Variants in KASH5 observed in about 807,000 individuals in gnomAD.
The protein encoded by KASH5 is protein KASH5.
In KASH5, 72 loss-of-function variants were observed where a neutral mutation model predicts 84.2. The observed-to-expected ratio is 0.85, with a 90% confidence interval of 0.71 to 1.04. The LOEUF (loss-of-function observed/expected upper bound fraction) is 1.04. Among genes scored for constraint, KASH5 ranks in the 50% least tolerant of loss-of-function variants. KASH5 has a pLI of 0.00. For missense variants in KASH5, 650 were observed against 701.0 expected (o/e 0.93, Z 0.82); for synonymous variants, 260 against 279.1 (o/e 0.93, Z 0.68).
At chr19:49,394,417 T>G in intron 2 of KASH5, 59 bp from the exon 3 acceptor site, 5 of 1,372,664 alleles carry the variant, frequency 3.6e-6, no homozygotes, top group Non-Finnish European at 5.2e-6. Flanking sequence ...GGACCTGGGG[T>G]CACCCCTCTT....
chr19:49,399,397 G>A lies in KASH5; in HGVS notation c.748-60G>A. The A allele has an allele frequency of 5.2e-6, 8 of 1,524,284 alleles. No individual in the cohort carries two copies. Among genetic ancestry groups the A allele is most frequent in the South Asian group, 1.2e-5 (1 of 84,742 alleles). The allele number at this position is 1,524,284 out of a possible 1,614,324, so 94.4% of individuals were successfully genotyped here. A position where few individuals can be genotyped will look rare whatever the true frequency, so the allele number is the denominator to read the frequency against. On this transcript the variant is annotated intron_variant, in intron 8 of 19. Transcript: ENST00000447857. This position sits in a 1 kb window ranked among gnomAD's most constrained non-coding sequence, Gnocchi z 4.4. Reference sequence around the variant, plus strand: ...TTGTGTTTTCAGGGGTGGGAGAAGGGCAACATGGGGGCAAGGAGGCTAGAA... The same window carrying A: ...TTGTGTTTTCAGGGGTGGGAGAAGGACAACATGGGGGCAAGGAGGCTAGAA...
Position 49,395,381 on chromosome 19 carries a change from C to A in KASH5, c.335+89C>A, listed in dbSNP as rs1025001415. 2.2e-6 allele frequency: 3 copies of A among 1,370,566 alleles called. No homozygotes were observed. Among genetic ancestry groups the A allele is most frequent in the Non-Finnish European group, 3.0e-6 (3 of 986,942 alleles). 84.9% of individuals were successfully genotyped at this position (1,370,566 alleles called of 1,614,324 possible). A position where few individuals can be genotyped will look rare whatever the true frequency, so the allele number is the denominator to read the frequency against. On this transcript the variant is annotated intron_variant, in intron 4 of 19. Transcript: ENST00000447857. This position sits in a 1 kb window ranked among gnomAD's most constrained non-coding sequence, Gnocchi z 4.4. ...TTACTGGAGCCAGCATCCTTTAGGC[C>A]CAAGGACCTACTGTGTTTGGAATGA...
At chr19:49,394,995 A>G in intron 3 of KASH5, 111 bp from the exon 4 acceptor site, 1 of 798,688 alleles carries the variant, frequency 1.3e-6, no homozygotes, top group South Asian at 1.8e-5. Flanking sequence ...TGGGCCATGG[A>G]GCAGGAGTGC....
chr19:49,395,698 C>A lies in KASH5; in HGVS notation c.336-71C>A. 6.8e-7 allele frequency: 1 copy of A among 1,472,908 alleles called. No individual in the cohort carries two copies. Among genetic ancestry groups the A allele is most frequent in the Non-Finnish European group, 9.3e-7 (1 of 1,078,660 alleles). 91.2% of individuals were successfully genotyped at this position (1,472,908 alleles called of 1,614,324 possible). ...CGGTCCCCTCCTCCCACCTGCAATC[C>A]CCCTGCCTGTGGCTGGTGAGGACTG... On this transcript the variant is annotated intron_variant, in intron 4 of 19. Coordinates refer to ENST00000447857, the MANE Select transcript of KASH5 (RefSeq NM_144688.5). The surrounding 1 kb of genome is among the most constrained non-coding windows in gnomAD (Gnocchi z 4.4).
chr19:49,417,369 A>G lies in KASH5; in HGVS notation c.1548A>G (p.Arg516=), dbSNP rs1296483517. 6.4e-7 allele frequency: 1 copy of G among 1,552,016 alleles called. No individual in the cohort carries two copies. The highest frequency in any genetic ancestry group is 2.0e-5 in the Admixed American group (1 of 51,110). ...AAATGCTCTCCCACCTCCCCACCAG[A>G]GTCACTCGACATCCACTGATCCCAG... The part of the protein sequence containing the change: ...GQLCLPPQRL[R]VTRHPLIPAP... Residue 516 remains arginine, a splice_region_variant and synonymous_variant, in exon 20 of 20, where the codon AGA becomes AGG. Coordinates refer to ENST00000447857, the MANE Select transcript of KASH5 (RefSeq NM_144688.5). The surrounding 1 kb of genome is among the most constrained non-coding windows in gnomAD (Gnocchi z 5.2).
intron 1 of KASH5, chr19:49,388,536 C>G (rs1568605417): frequency 6.6e-6 from 1 of 151,782 alleles, no homozygotes; most frequent in African/African-American, 2.4e-5. Context: ...ACTAAAAATA[C>G]AAAAAATTAG....
Position 49,414,083 on chromosome 19 carries a change from AG to A in KASH5, c.1329-867del, listed in dbSNP as rs1974813260. ...GGCAGCTTGAGGCCTGAGTCCCCAA[AG>A]CAGCATTTCAGGGACTCAGATGGCT... On this transcript the variant is annotated intron_variant, in intron 16 of 19. Coordinates refer to ENST00000447857, the MANE Select transcript of KASH5 (RefSeq NM_144688.5). The surrounding 1 kb of genome is among the most constrained non-coding windows in gnomAD (Gnocchi z 4.5). Among the ~76,000 whole-genome samples the A allele has an allele frequency of 6.6e-6, 1 of 152,004 alleles. No homozygotes were observed. The highest frequency in any genetic ancestry group is 1.5e-5 in the Non-Finnish European group (1 of 67,970).
intron 16 of KASH5, 68 bp downstream of exon 16, chr19:49,413,094 C>T (rs1568624061): frequency 6.8e-7 from 1 of 1,463,858 alleles, no homozygotes; most frequent in Non-Finnish European, 9.5e-7. Context: ...AGTAGGAGGA[C>T]TGGATGTGCC....
intron 11 of KASH5, 63 bp downstream of exon 11, chr19:49,407,359 G>A: frequency 6.5e-7 from 1 of 1,548,864 alleles, no homozygotes. Context: ...TCCTGCCCCT[G>A]GTCTAGAAAG....
At position 49,417,101 on chromosome 19, in the gene KASH5, A is replaced by G; in HGVS notation, c.1439+22A>G. On this transcript the variant is annotated intron_variant, in intron 18 of 19. Coordinates refer to ENST00000447857, the MANE Select transcript of KASH5 (RefSeq NM_144688.5). This position sits in a 1 kb window ranked among gnomAD's most constrained non-coding sequence, Gnocchi z 5.2. ...AGAGGTAATAGGACCCACAGGGTCC[A>G]GGAGGGACACTGGGGCAAGGAAAAA... 4 of 1,605,394 alleles carry G rather than the reference A, an allele frequency of 2.5e-6. No individual in the cohort carries two copies. Among genetic ancestry groups the G allele is most frequent in the Non-Finnish European group, 1.7e-6 (2 of 1,176,260 alleles).
chr19:49,412,826 T>G lies in KASH5; in HGVS notation c.1270-142T>G. The G allele has an allele frequency of 1.4e-6, 1 of 699,702 alleles. No homozygotes were observed. Among genetic ancestry groups the G allele is most frequent in the Non-Finnish European group, 2.5e-6 (1 of 408,146 alleles). 43.3% of individuals were successfully genotyped at this position (699,702 alleles called of 1,614,324 possible). A position where few individuals can be genotyped will look rare whatever the true frequency, so the allele number is the denominator to read the frequency against. On this transcript the variant is annotated intron_variant, in intron 15 of 19. Coordinates refer to ENST00000447857, the MANE Select transcript of KASH5 (RefSeq NM_144688.5). This position sits in a 1 kb window ranked among gnomAD's most constrained non-coding sequence, Gnocchi z 4.6. Reference sequence around the variant, plus strand: ...CGAGAGGAGGGCAGGTTGTAGAAGGTGGTGAATTCATGTGTAGGTTGCAGC... The same window carrying G: ...CGAGAGGAGGGCAGGTTGTAGAAGGGGGTGAATTCATGTGTAGGTTGCAGC...
Position 49,395,742 on chromosome 19 carries a change from G to A in KASH5, c.336-27G>A, listed in dbSNP as rs1600901715. On this transcript the variant is annotated intron_variant, in intron 4 of 19. Coordinates refer to ENST00000447857, the MANE Select transcript of KASH5 (RefSeq NM_144688.5). This position sits in a 1 kb window ranked among gnomAD's most constrained non-coding sequence, Gnocchi z 4.4. The stretch of plus-strand genomic sequence containing the variant: ...AGGACTGAGGGGCAGCTACAGTGGG[G>A]CGCTAAGCCTCATCCCTTTGATACA... 3 of 1,550,098 alleles carry A rather than the reference G, an allele frequency of 1.9e-6. No individual in the cohort carries two copies. Among genetic ancestry groups the A allele is most frequent in the East Asian group, 2.4e-5 (1 of 40,994 alleles).
intron 1 of KASH5, 45 bp from the exon 2 acceptor site, chr19:49,390,744 C>A: frequency 1.0e-6 from 1 of 965,200 alleles, no homozygotes; most frequent in Non-Finnish European, 1.5e-6. Flanking sequence ...GGCCCCGACC[C>A]TTGGTGGCTG....
At chr19:49,396,796 A>AC (rs1974196742) in intron 5 of KASH5, among the ~76,000 whole-genome samples, 1 of 152,130 alleles carries the variant, frequency 6.6e-6, no homozygotes, top group Non-Finnish European at 1.5e-5. Context: ...TACAGGCGTG[A>AC]GCCTGTAATC....
chr19:49,408,957 TC>T lies in KASH5; in HGVS notation c.994-8del. On this transcript the variant is annotated splice_polypyrimidine_tract_variant and intron_variant, in intron 12 of 19. Transcript: ENST00000447857. Reference sequence around the variant, plus strand: ...AGAGCCAAATGTGCTCCCCACTTCCTCCTTTGCAGGAACTGAGGCTGGAGAT... The same window carrying T: ...AGAGCCAAATGTGCTCCCCACTTCCTCTTTGCAGGAACTGAGGCTGGAGAT... 1 of 1,574,466 alleles carries T rather than the reference TC, an allele frequency of 6.4e-7. No homozygotes were observed. The highest frequency in any genetic ancestry group is 8.6e-7 in the Non-Finnish European group (1 of 1,159,998).
At chr19:49,394,674 G>A in intron 3 of KASH5, 94 bp downstream of exon 3, 1 of 937,076 alleles carries the variant, frequency 1.1e-6, no homozygotes, top group African/African-American at 1.6e-5. Flanking sequence ...CTGGGCTAAG[G>A]CCCCCTCTTG....
intron 15 of KASH5, 47 bp downstream of exon 15, chr19:49,409,922 G>A (rs200810719): frequency 1.2e-6 from 2 of 1,602,836 alleles, no homozygotes; most frequent in African/African-American, 2.7e-5. Flanking sequence ...AAAGGGGCCA[G>A]GAGCTCCAGG....
At position 49,398,030 on chromosome 19, in the gene KASH5, C is replaced by T. The variant is rs374077592; in HGVS notation, c.516C>T (p.Ser172=). Residue 172 remains serine, a synonymous_variant, in exon 7 of 20, where the codon AGC becomes AGT. Transcript: ENST00000447857. ...GCAGCCTGGAGGACCTGGAGCTCAG[C>T]AACCGACGTCTGGTTGGGGAGAATG... ...LLSSLEDLEL[S]NRRLVGENAK... 6.2e-6 allele frequency: 10 copies of T among 1,613,816 alleles called. No individual in the cohort carries two copies. The African/African-American group carries it at 1.1e-4, about 17-fold the overall frequency.
intron 9 of KASH5, among the ~76,000 whole-genome samples, chr19:49,401,008 A>G (rs1974345208): frequency 6.6e-6 from 1 of 152,092 alleles, no homozygotes; most frequent in Non-Finnish European, 1.5e-5. Context: ...TCCTCACTCA[A>G]TGTTTCTCCT....
Sources: allele counts gnomAD v4.1 joint callset (sites outside exome capture counted in the v4.1 genomes callset), GRCh38; gene constraint gnomAD v4.1.1; non-coding constraint Gnocchi (gnomAD v3.1); transcripts MANE v1.5; gene names NCBI Gene and HGNC (gene_info 2026-07-23, HGNC 2026-07-21).